Variants in CELSR1 observed in about 807,000 individuals in gnomAD.
CELSR1 encodes adhesion G protein-coupled receptor C1.
Under a neutral mutation model 249.1 loss-of-function variants are expected in CELSR1, and 110 were observed. The ratio of observed to expected loss-of-function variants is 0.44; its 90% CI spans 0.38 to 0.52. The LOEUF is 0.52. Among genes scored for constraint, CELSR1 ranks in the 20% least tolerant of loss-of-function variants. The pLI is 0.00. For synonymous variants in CELSR1, 2,113 were observed against 1,900.0 expected, an observed-to-expected ratio of 1.11 and a Z score of -2.92; for missense variants, 4,109 against 4,296.4, an observed-to-expected ratio of 0.96 and a Z score of 1.22.
chr22:46,536,867 T>G lies in CELSR1; in HGVS notation c.304A>C (p.Ser102Arg). 1 of 1,233,828 alleles carries G rather than the reference T, an allele frequency of 8.1e-7. No homozygotes were observed. The highest frequency in any genetic ancestry group is 2.4e-5 in the South Asian group (1 of 42,074). The allele number at this position is 1,233,828 out of a possible 1,614,324, so 76.4% of individuals were successfully genotyped here. A position where few individuals can be genotyped will look rare whatever the true frequency, so the allele number is the denominator to read the frequency against. Residue 102 changes from serine to arginine, a missense_variant, in exon 1 of 35, where the codon AGC (serine) becomes CGC (arginine). Transcript: ENST00000674500. ...LVARSAPTAL[S>R]RRLRARTHLP... ...TGCGTGCGCGCCCGCAGGCGGCGGC[T>G]CAGCGCCGTCGGGGCACTGCGGGCC... is the stretch of plus-strand genomic sequence containing the variant.
chr22:46,481,407 G>T, intron 1 of CELSR1: 1 of 1,316,616 alleles, frequency 7.6e-7, no homozygotes, highest in Non-Finnish European at 1.1e-6. Context: ...CCACACACTT[G>T]GTCACACCAC....
At position 46,393,001 on chromosome 22, in the gene CELSR1, G is replaced by A. The variant is rs1015184464; in HGVS notation, c.5964+1141C>T. ...CTGACCCAGGAGAGCTGTTTAATTT[G>A]AGCCTTTCAGGACACAAGTCCCATT... On this transcript the variant is annotated intron_variant, in intron 14 of 34. Coordinates refer to ENST00000674500, the MANE Select transcript of CELSR1 (RefSeq NM_001378328.1). The surrounding 1 kb of genome is among the most constrained non-coding windows in gnomAD (Gnocchi z 4.1). Among the ~76,000 whole-genome samples, 2 of 152,192 alleles carry A rather than the reference G, an allele frequency of 1.3e-5. No individual in the cohort carries two copies. The highest frequency in any genetic ancestry group is 6.5e-5 in the Admixed American group (1 of 15,280).
chr22:46,398,468 C>T lies in CELSR1; in HGVS notation c.5526+56G>A. On this transcript the variant is annotated intron_variant, in intron 11 of 34. Transcript: ENST00000674500. This position sits in a 1 kb window ranked among gnomAD's most constrained non-coding sequence, Gnocchi z 7.2. The stretch of plus-strand genomic sequence containing the variant: ...CGGAACCACCTATGGTGCTGCCAGC[C>T]TCGGAGCTGCCTGTGAGGGGCAGGC... 7.6e-7 allele frequency: 1 copy of T among 1,314,592 alleles called. No individual in the cohort carries two copies. Among genetic ancestry groups the T allele is most frequent in the Non-Finnish European group, 1.1e-6 (1 of 939,408 alleles). 81.4% of individuals were successfully genotyped at this position (1,314,592 alleles called of 1,614,324 possible).
Position 46,367,710 on chromosome 22 carries a change from CA to C in CELSR1, c.8079+18del, listed in dbSNP as rs776178345. On this transcript the variant is annotated intron_variant, in intron 28 of 34. Transcript: ENST00000674500. ...GGCGGCCAGGCAGGGGTCCCGCGGG[CA>C]ACTCGGCCGTCACCTACCTGTAAGC... is the stretch of plus-strand genomic sequence containing the variant. The C allele has an allele frequency of 6.3e-7, 1 of 1,582,488 alleles. No individual in the cohort carries two copies. Among genetic ancestry groups the C allele is most frequent in the East Asian group, 2.3e-5 (1 of 43,806 alleles).
rs531066691 is a variant in CELSR1, at chr22:46,484,184, G to A, written c.3545-19839C>T. ...GGGAGCTGCTGGGGAGAGCCGTTAC[G>A]ACGGTGGGGACGGGTCCGAGGTCTG... On this transcript the variant is annotated intron_variant, in intron 1 of 34. Transcript: ENST00000674500. This position sits in a 1 kb window ranked among gnomAD's most constrained non-coding sequence, Gnocchi z 4.5. Among the ~76,000 whole-genome samples the A allele has an allele frequency of 5.3e-5, 8 of 152,234 alleles. No homozygotes were observed. The East Asian group carries it at 5.8e-4, about 11-fold the overall frequency.
rs771795006 is a variant in CELSR1 at position 46,361,530 on chromosome 22, G to A, written c.*1693C>T. 7 of 152,320 alleles carry A rather than the reference G, an allele frequency of 4.6e-5. No individual in the cohort carries two copies. Among genetic ancestry groups the A allele is most frequent in the East Asian group, 1.9e-4 (1 of 5,188 alleles). 9.4% of individuals were successfully genotyped at this position (152,320 alleles called of 1,614,324 possible). ...TACTTAGGAAACGCCAGGGGCAAACGTTTAAAGGGACTAGAGTTTTTTATC... is the reference window on the plus strand; with the variant it reads ...TACTTAGGAAACGCCAGGGGCAAACATTTAAAGGGACTAGAGTTTTTTATC... On this transcript the variant is annotated 3_prime_UTR_variant, in exon 35 of 35. Coordinates refer to ENST00000674500, the MANE Select transcript of CELSR1 (RefSeq NM_001378328.1).
intron 1 of CELSR1, among the ~76,000 whole-genome samples, chr22:46,477,735 T>A (rs1387837078): frequency 6.6e-6 from 1 of 152,056 alleles, no homozygotes; most frequent in Non-Finnish European, 1.5e-5. Context: ...CTCGATCTCC[T>A]GACCTCATGA....
intron 9 of CELSR1, among the ~76,000 whole-genome samples, chr22:46,405,602 G>T (rs2079257561): frequency 6.6e-6 from 1 of 152,156 alleles, no homozygotes; most frequent in Non-Finnish European, 1.5e-5. Context: ...CTGTTTTATG[G>T]GAGGTAACTG....
At chr22:46,418,833 G>A (rs1385738941) in intron 5 of CELSR1, among the ~76,000 whole-genome samples, 1 of 152,248 alleles carries the variant, frequency 6.6e-6, no homozygotes, top group African/African-American at 2.4e-5. Flanking sequence ...AGGCAAGGGG[G>A]TCTAACCCGT....
At position 46,534,493 on chromosome 22, in the gene CELSR1, A is replaced by C; in HGVS notation, c.2678T>G (p.Leu893Arg). 6.2e-7 allele frequency: 1 copy of C among 1,613,332 alleles called. No homozygotes were observed. The highest frequency in any genetic ancestry group is 8.5e-7 in the Non-Finnish European group (1 of 1,180,010). The stretch of plus-strand genomic sequence containing the variant: ...GATGGAACCCTGGTAGAAATCCCAC[A>C]GGAACTGGGGTGCATTGTCATTGGC... ...LDANDNAPQF[L>R]WDFYQGSIFE... The change falls in exon 1 of 35, where the codon CTG (leucine) becomes CGG (arginine). Residue 893 changes from leucine (L) to arginine (R), a missense_variant. Leu to Arg is a moderately radical substitution (Grantham distance 102, BLOSUM62 -2). Transcript: ENST00000674500. The surrounding 1 kb of genome is among the most constrained non-coding windows in gnomAD (Gnocchi z 9.7).
chr22:46,396,505 CAT>C lies in CELSR1; in HGVS notation c.5843+98_5843+99del. The C allele has an allele frequency of 7.9e-7, 1 of 1,259,644 alleles. No homozygotes were observed. Among genetic ancestry groups the C allele is most frequent in the Non-Finnish European group, 1.0e-6 (1 of 966,492 alleles). 78.0% of individuals were successfully genotyped at this position (1,259,644 alleles called of 1,614,324 possible). ...TATGTCCCTGTTACCCAGAATCACA[CAT>C]ATCTTTGGGTCAAAATAAGAAAGAG... On this transcript the variant is annotated intron_variant, in intron 13 of 34. Coordinates refer to ENST00000674500, the MANE Select transcript of CELSR1 (RefSeq NM_001378328.1). The surrounding 1 kb of genome is among the most constrained non-coding windows in gnomAD (Gnocchi z 6.4).
At chr22:46,444,941 C>T (rs564407009) in intron 2 of CELSR1, among the ~76,000 whole-genome samples, 7 of 152,310 alleles carry the variant, frequency 4.6e-5, no homozygotes, top group East Asian at 3.9e-4. Context: ...AGCGGTGGCT[C>T]GTGCCTGTAA....
chr22:46,535,446 C>T lies in CELSR1; in HGVS notation c.1725G>A (p.Leu575=). 6.2e-7 allele frequency: 1 copy of T among 1,608,826 alleles called. No individual in the cohort carries two copies. Among genetic ancestry groups the T allele is most frequent in the Non-Finnish European group, 8.5e-7 (1 of 1,177,696 alleles). The change falls in exon 1 of 35, where the codon CTG becomes CTA. Residue 575 remains leucine (L), a synonymous_variant. Transcript: ENST00000674500. ...FVSSPFQATV[L]ENVPLGYPVV... is the part of the protein sequence containing the mutation. Reference sequence around the variant, plus strand: ...CGGGGTAGCCCAGGGGCACATTCTCCAGCACCGTGGCCTGGAAGGGGCTGC... The same window carrying T: ...CGGGGTAGCCCAGGGGCACATTCTCTAGCACCGTGGCCTGGAAGGGGCTGC...
rs1244370569 is a variant in CELSR1, at chr22:46,440,319, C to T, written c.4184-908G>A. On this transcript the variant is annotated intron_variant, in intron 2 of 34. Transcript: ENST00000674500. This position sits in a 1 kb window ranked among gnomAD's most constrained non-coding sequence, Gnocchi z 4.7. ...CAGGGATGGTGAGCCGCAATCTGCA[C>T]AGCCCATGCTGCCTCCCCTGCCTCC... 6.6e-6 allele frequency among the ~76,000 whole-genome samples: 1 copy of T among 152,220 alleles called. No homozygotes were observed. The highest frequency in any genetic ancestry group is 2.4e-5 in the African/African-American group (1 of 41,452).
chr22:46,435,994 C>T (rs531765199), intron 4 of CELSR1, among the ~76,000 whole-genome samples, 180 bp downstream of exon 4: 4 of 152,288 alleles, frequency 2.6e-5, no homozygotes, highest in African/African-American at 4.8e-5. Flanking sequence ...CCACCACGCC[C>T]GGCCTGTTAT....
At position 46,527,561 on chromosome 22, in the gene CELSR1, C is replaced by G. The variant is rs975052157; in HGVS notation, c.3544+6066G>C. 5.3e-5 allele frequency among the ~76,000 whole-genome samples: 8 copies of G among 152,354 alleles called. No homozygotes were observed. Among genetic ancestry groups the G allele is most frequent in the Admixed American group, 1.3e-4 (2 of 15,306 alleles). On this transcript the variant is annotated intron_variant, in intron 1 of 34. Coordinates refer to ENST00000674500, the MANE Select transcript of CELSR1 (RefSeq NM_001378328.1). This position sits in a 1 kb window ranked among gnomAD's most constrained non-coding sequence, Gnocchi z 5.5. Reference sequence around the variant, plus strand: ...CCCCCTTGCTCATCGGATGGTCCATCTCCACCCAGCCGCAGAAGTCAGGAC... The same window carrying G: ...CCCCCTTGCTCATCGGATGGTCCATGTCCACCCAGCCGCAGAAGTCAGGAC...
chr22:46,369,427 G>A lies in CELSR1; in HGVS notation c.7873-169C>T, dbSNP rs997642563. On this transcript the variant is annotated intron_variant, in intron 26 of 34. Coordinates refer to ENST00000674500, the MANE Select transcript of CELSR1 (RefSeq NM_001378328.1). ...ACCTGTCCACCCACTGCCCCACAGC[G>A]CCCACCACACCCAGCCTGCCTGTGC... Among the ~76,000 whole-genome samples, 7 of 152,276 alleles carry A rather than the reference G, an allele frequency of 4.6e-5. No homozygotes were observed. In the East Asian group the frequency reaches 9.6e-4, roughly 21 times the overall value.
intron 1 of CELSR1, among the ~76,000 whole-genome samples, chr22:46,483,302 C>A (rs1483764792): frequency 6.6e-6 from 1 of 151,668 alleles, no homozygotes; most frequent in Non-Finnish European, 1.5e-5. Flanking sequence ...AAGCCACAAA[C>A]TGTGAGACCC....
chr22:46,496,205 A>C (rs200313783), intron 1 of CELSR1, among the ~76,000 whole-genome samples: 2 of 18,800 alleles, frequency 1.1e-4, no homozygotes, highest in Admixed American at 1.9e-3. Flanking sequence ...TGTCTCAAAA[A>C]AAAAAAAAAA....
Sources: allele counts gnomAD v4.1 joint callset (sites outside exome capture counted in the v4.1 genomes callset), GRCh38; gene constraint gnomAD v4.1.1; non-coding constraint Gnocchi (gnomAD v3.1); transcripts MANE v1.5; gene names NCBI Gene and HGNC (gene_info 2026-07-23, HGNC 2026-07-21).